Variants in SLC39A11 observed in about 807,000 individuals in gnomAD.
SLC39A11 encodes the protein zinc transporter ZIP11.
A neutral mutation model predicts 36.1 loss-of-function variants in SLC39A11; 33 were observed. The ratio of observed to expected loss-of-function variants is 0.91; its 90% CI spans 0.69 to 1.22. The LOEUF (loss-of-function observed/expected upper bound fraction) is 1.22. Among genes scored for constraint, SLC39A11 ranks in the 50% most tolerant of loss-of-function variants. The pLI, the probability that SLC39A11 is intolerant of heterozygous loss-of-function variation, is 0.00. For missense variants in SLC39A11, 432 were observed against 430.3 expected, an observed-to-expected ratio of 1.00 and a Z score of -0.03; for synonymous variants, 166 against 170.3, an observed-to-expected ratio of 0.97 and a Z score of 0.20.
rs930121312 is a variant in SLC39A11 at position 72,802,813 on chromosome 17, G to C, written c.601+46821C>G. On this transcript the variant is annotated intron_variant, in intron 6 of 9. Transcript: ENST00000255559. ...TCGAGGAAGCCAGGAGACAAAAAGA[G>C]GCTGCCCCTATCTGTCAGCTGGTTT... Among the ~76,000 whole-genome samples, 5 of 152,208 alleles carry C rather than the reference G, an allele frequency of 3.3e-5. No homozygotes were observed. In the East Asian group the frequency reaches 7.7e-4, roughly 24 times the overall value.
At chr17:72,919,907 A>G (rs1212391377) in intron 5 of SLC39A11, among the ~76,000 whole-genome samples, 1 of 152,172 alleles carries the variant, frequency 6.6e-6, no homozygotes, top group East Asian at 1.9e-4. Context: ...CGTGGTCACA[A>G]TGAATTTCAA....
chr17:72,724,166 C>T lies in SLC39A11; in HGVS notation c.671+12484G>A, dbSNP rs903749887. On this transcript the variant is annotated intron_variant, in intron 7 of 9. Coordinates refer to ENST00000255559, the MANE Select transcript of SLC39A11 (RefSeq NM_139177.4). ...CTTGAAAAGCATTATCATAAAAAGC[C>T]ATGGGAAGGGAGAAGGGGAGAGGAA... Among the ~76,000 whole-genome samples, 5 of 151,796 alleles carry T rather than the reference C, an allele frequency of 3.3e-5. 1 individual carries two copies. The South Asian group carries it at 8.3e-4, about 25-fold the overall frequency.
intron 4 of SLC39A11, among the ~76,000 whole-genome samples, chr17:72,954,077 C>T (rs775095045): frequency 2.6e-5 from 4 of 152,168 alleles, no homozygotes; most frequent in Non-Finnish European, 5.9e-5. Flanking sequence ...GACAGAGTCT[C>T]ACTCTGTTGC....
At chr17:73,048,964 G>T (rs2059408320) in intron 3 of SLC39A11, among the ~76,000 whole-genome samples, 1 of 152,140 alleles carries the variant, frequency 6.6e-6, no homozygotes, top group South Asian at 2.1e-4. Context: ...TGACCAGATG[G>T]ATACACACAC....
intron 5 of SLC39A11, among the ~76,000 whole-genome samples, chr17:72,861,325 C>T (rs2079970614): frequency 6.6e-6 from 1 of 152,090 alleles, no homozygotes; most frequent in Non-Finnish European, 1.5e-5. Flanking sequence ...TAGAGATTTT[C>T]CATCAATAAA....
intron 6 of SLC39A11, among the ~76,000 whole-genome samples, chr17:72,746,929 A>C (rs2074960828): frequency 2.0e-5 from 3 of 151,258 alleles, no homozygotes; most frequent in Admixed American, 6.6e-5. Flanking sequence ...AACCTGTGGT[A>C]CTAGCTACTC....
At chr17:72,811,096 C>T (rs1448969661) in intron 6 of SLC39A11, among the ~76,000 whole-genome samples, 1 of 151,636 alleles carries the variant, frequency 6.6e-6, no homozygotes, top group Non-Finnish European at 1.5e-5. Flanking sequence ...GTTTAGACTG[C>T]TATAACAAAA....
At chr17:72,793,824 C>T (rs1450483238) in intron 6 of SLC39A11, among the ~76,000 whole-genome samples, 1 of 152,210 alleles carries the variant, frequency 6.6e-6, no homozygotes, top group Admixed American at 6.5e-5. Flanking sequence ...ACAAATTCTG[C>T]TTCTCTAAGA....
At chr17:72,705,302 C>T (rs1318233111) in intron 7 of SLC39A11, among the ~76,000 whole-genome samples, 1 of 152,180 alleles carries the variant, frequency 6.6e-6, no homozygotes. Context: ...TCTCCCCCAA[C>T]CTTTATCTTA....
intron 5 of SLC39A11, among the ~76,000 whole-genome samples, chr17:72,926,239 G>T (rs1442475861): frequency 3.9e-5 from 6 of 152,174 alleles, no homozygotes; most frequent in Admixed American, 3.9e-4. Context: ...CTTTTAACCA[G>T]CCATGCTTTG....
intron 6 of SLC39A11, among the ~76,000 whole-genome samples, chr17:72,846,943 T>C (rs1017151271): frequency 5.9e-5 from 9 of 152,170 alleles, no homozygotes; most frequent in African/African-American, 2.2e-4. Context: ...GGCTCCTAAG[T>C]AGTCCTCTGC....
intron 5 of SLC39A11, among the ~76,000 whole-genome samples, chr17:72,881,355 G>T (rs2081190295): frequency 6.6e-6 from 1 of 152,178 alleles, no homozygotes; most frequent in Non-Finnish European, 1.5e-5. Flanking sequence ...TGCAGTGATG[G>T]TTTCCCAGGT....
intron 5 of SLC39A11, among the ~76,000 whole-genome samples, chr17:72,945,642 C>T (rs112793685): frequency 5.3e-4 from 80 of 152,290 alleles, no homozygotes; most frequent in Middle Eastern, 3.4e-3. Flanking sequence ...CAGCTAGCAA[C>T]GGTTACAAGG....
intron 5 of SLC39A11, among the ~76,000 whole-genome samples, chr17:72,938,631 G>A (rs146615252): frequency 2.6e-4 from 40 of 152,208 alleles, no homozygotes; most frequent in African/African-American, 9.4e-4. Context: ...TATGAAAAGC[G>A]CCCAGGCTGT....
intron 6 of SLC39A11, among the ~76,000 whole-genome samples, chr17:72,804,980 C>T (rs1252180951): frequency 6.6e-6 from 1 of 152,126 alleles, no homozygotes; most frequent in Non-Finnish European, 1.5e-5. Flanking sequence ...CATGCCACTG[C>T]ACTCCAGCCT....
At chr17:72,867,110 T>C (rs1466638332) in intron 5 of SLC39A11, among the ~76,000 whole-genome samples, 4 of 152,166 alleles carry the variant, frequency 2.6e-5, no homozygotes, top group African/African-American at 9.7e-5. Context: ...AGTAGTAACA[T>C]TAAAGCATTC....
chr17:73,060,435 A>G (rs868071398), intron 3 of SLC39A11, among the ~76,000 whole-genome samples: 2 of 152,122 alleles, frequency 1.3e-5, no homozygotes, highest in African/African-American at 2.4e-5. Context: ...GTTGCTTTTT[A>G]TATTCACCTT....
intron 6 of SLC39A11, among the ~76,000 whole-genome samples, chr17:72,792,815 A>C (rs1459606931): frequency 1.3e-5 from 2 of 152,058 alleles, no homozygotes; most frequent in Non-Finnish European, 2.9e-5. Flanking sequence ...TCCTCCACAC[A>C]CCCCACTGGA....
chr17:73,028,499 T>G (rs2058633786), intron 4 of SLC39A11, among the ~76,000 whole-genome samples: 2 of 152,338 alleles, frequency 1.3e-5, no homozygotes, highest in Admixed American at 6.5e-5. Flanking sequence ...ATTCACTGAC[T>G]GTAGCAATCA....
Sources: allele counts gnomAD v4.1 joint callset (sites outside exome capture counted in the v4.1 genomes callset), GRCh38; gene constraint gnomAD v4.1.1; transcripts MANE v1.5; gene names NCBI Gene and HGNC (gene_info 2026-07-23, HGNC 2026-07-21).